NPEPL1: variants seen among roughly 807,000 people sequenced by gnomAD.
NPEPL1 encodes the protein aminopeptidase like 1.
Under a neutral mutation model 52.4 loss-of-function variants are expected in NPEPL1, and 45 were observed. That is an observed-to-expected ratio of 0.86 (90% CI 0.68 to 1.10). The LOEUF is 1.10. Ranked by LOEUF, NPEPL1 falls within the 50% of genes least tolerant of loss-of-function variation. The pLI is 0.00. For missense variants in NPEPL1, 696 were observed against 710.9 expected, an observed-to-expected ratio of 0.98 and a Z score of 0.24; for synonymous variants, 360 against 314.7, an observed-to-expected ratio of 1.14 and a Z score of -1.52.
At chr20:58,714,855 G>A (rs866135653) in intron 11 of NPEPL1, 185 bp downstream of exon 11, 7 of 620,612 alleles carry the variant, frequency 1.1e-5, no homozygotes, top group South Asian at 2.0e-5. Flanking sequence ...TGCTGTGTGC[G>A]ACCCTTCCCC....
At position 58,713,809 on chromosome 20, in the gene NPEPL1, C is replaced by CT; in HGVS notation, c.1126-104dup. ...TTTTTTCTTTTTTTCTCAACCGTCT[C>CT]TTTTCTGGCTCCCTTATTTCTCTGT... On this transcript the variant is annotated intron_variant, in intron 9 of 11. Coordinates refer to ENST00000356091, the MANE Select transcript of NPEPL1 (RefSeq NM_024663.4). This position sits in a 1 kb window ranked among gnomAD's most constrained non-coding sequence, Gnocchi z 4.6. The CT allele has an allele frequency of 7.9e-7, 1 of 1,270,198 alleles. No homozygotes were observed. The highest frequency in any genetic ancestry group is 1.0e-6 in the Non-Finnish European group (1 of 965,358). 78.7% of individuals were successfully genotyped at this position (1,270,198 alleles called of 1,614,324 possible).
intron 6 of NPEPL1, chr20:58,704,127 C>A: frequency 1.0e-6 from 1 of 985,434 alleles, no homozygotes; most frequent in Non-Finnish European, 1.2e-6. Context: ...CAATCCTGAC[C>A]TGAAGGCGCT....
At chr20:58,695,012 GATGTGT>G (rs1568847460) in intron 3 of NPEPL1, among the ~76,000 whole-genome samples, 5 of 950 alleles carry the variant, frequency 5.3e-3, no homozygotes, top group Admixed American at 0.012. Context: ...GTGCATGTGT[GATGTGT>G]GTGTGTGTGT....
intron 3 of NPEPL1, among the ~76,000 whole-genome samples, chr20:58,695,079 G>GGT (rs1555848570): frequency 5.0e-5 from 4 of 79,902 alleles, no homozygotes; most frequent in African/African-American, 1.4e-4. Context: ...TGGTGTGTGT[G>GGT]GTGTACGTGT....
Position 58,696,600 on chromosome 20 carries a change from C to T in NPEPL1, c.507+2008C>T, listed in dbSNP as rs2123093025. On this transcript the variant is annotated intron_variant, in intron 3 of 11. Transcript: ENST00000356091. ...GTGTGTCCTGTTTCTTGTCTTTGCT[C>T]TGCCCAGTGCCGTGCCTTGAGGTGC... is the stretch of plus-strand genomic sequence containing the variant. 3.3e-5 allele frequency among the ~76,000 whole-genome samples: 5 copies of T among 152,362 alleles called. No individual in the cohort carries two copies. The South Asian group carries it at 1.0e-3, about 32-fold the overall frequency.
At chr20:58,702,333 C>G (rs932109670) in intron 6 of NPEPL1, among the ~76,000 whole-genome samples, 1 of 152,206 alleles carries the variant, frequency 6.6e-6, no homozygotes, top group Non-Finnish European at 1.5e-5. Flanking sequence ...TGCGGTAGGC[C>G]CCACCACTTG....
intron 6 of NPEPL1, chr20:58,704,225 C>G: frequency 1.0e-6 from 1 of 985,334 alleles, no homozygotes; most frequent in Non-Finnish European, 1.2e-6. Flanking sequence ...GCAAATGGTG[C>G]AGAAATGGTC....
chr20:58,702,959 T>G (rs1179950868), intron 6 of NPEPL1, among the ~76,000 whole-genome samples: 1 of 152,208 alleles, frequency 6.6e-6, no homozygotes, highest in African/African-American at 2.4e-5. Flanking sequence ...ACACAGTAAC[T>G]CCAAGTGTTC....
At chr20:58,715,064 A>G (rs2084925803) in intron 11 of NPEPL1, 104 bp from the exon 12 acceptor site, 1 of 1,260,102 alleles carries the variant, frequency 7.9e-7, no homozygotes, top group African/African-American at 1.5e-5. Flanking sequence ...TGAGAAGGGG[A>G]CTGTGGGGCA....
At chr20:58,707,603 A>T (rs6026461) in intron 7 of NPEPL1, among the ~76,000 whole-genome samples, 2 of 151,670 alleles carry the variant, frequency 1.3e-5, no homozygotes, top group Non-Finnish European at 1.5e-5. Flanking sequence ...GACTGGTCTC[A>T]CCAAGTCACC....
chr20:58,715,427 G>A lies in NPEPL1; in HGVS notation c.*101G>A, dbSNP rs1028675467. ...TTGCCCTTCATATGGGTTTTGGTTT[G>A]TCTTTCTGGTCGTCAGCGTGGTGGT... On this transcript the variant is annotated 3_prime_UTR_variant, in exon 12 of 12. Transcript: ENST00000356091. 6.3e-6 allele frequency: 8 copies of A among 1,272,378 alleles called. No individual in the cohort carries two copies. The African/African-American group carries it at 7.6e-5, about 12-fold the overall frequency. The allele number at this position is 1,272,378 out of a possible 1,614,324, so 78.8% of individuals were successfully genotyped here. A position where few individuals can be genotyped will look rare whatever the true frequency, so the allele number is the denominator to read the frequency against.
chr20:58,703,720 C>T (rs2084681854), intron 6 of NPEPL1: 1 of 984,506 alleles, frequency 1.0e-6, no homozygotes, highest in African/African-American at 1.8e-5. Flanking sequence ...TAGTCAGCTC[C>T]CGGCCTGGAA....
chr20:58,695,115 TTG>T (rs2084448490), intron 3 of NPEPL1, among the ~76,000 whole-genome samples: 2 of 5,338 alleles, frequency 3.7e-4, no homozygotes. Flanking sequence ...GTGTGTGTGT[TTG>T]CTGGTGTGTG....
Position 58,701,177 on chromosome 20 carries a change from C to T in NPEPL1, c.822+19C>T, listed in dbSNP as rs1032208718. ...AGGGAAGGTGAGGTGCGGGCTGGCT[C>T]TCAGGGTGCCCTGGGGGAGGGGAGG... On this transcript the variant is annotated intron_variant, in intron 6 of 11. Transcript: ENST00000356091. 5 of 1,415,968 alleles carry T rather than the reference C, an allele frequency of 3.5e-6. No homozygotes were observed. The highest frequency in any genetic ancestry group is 3.0e-5 in the African/African-American group (2 of 66,226). The allele number at this position is 1,415,968 out of a possible 1,614,324, so 87.7% of individuals were successfully genotyped here. A position where few individuals can be genotyped will look rare whatever the true frequency, so the allele number is the denominator to read the frequency against.
At chr20:58,700,956 T>G in intron 5 of NPEPL1, 60 bp from the exon 6 acceptor site, 1 of 1,378,204 alleles carries the variant, frequency 7.3e-7, no homozygotes, top group Non-Finnish European at 9.5e-7. Flanking sequence ...CAGGGGCCTC[T>G]GGGAGTTCCC....
Position 58,713,618 on chromosome 20 carries a change from A to G in NPEPL1, c.1125+75A>G, listed in dbSNP as rs943482302. The G allele has an allele frequency of 3.5e-5, 52 of 1,472,262 alleles. No individual in the cohort carries two copies. The African/African-American group carries it at 7.3e-4, about 21-fold the overall frequency. 91.2% of individuals were successfully genotyped at this position (1,472,262 alleles called of 1,614,324 possible). On this transcript the variant is annotated intron_variant, in intron 9 of 11. Transcript: ENST00000356091. This position sits in a 1 kb window ranked among gnomAD's most constrained non-coding sequence, Gnocchi z 4.6. ...CCCCACTCTTGACCTCAAGGTGGGG[A>G]AGGCAGCGCGTGGGGGCTGCCGTCA...
At chr20:58,694,823 T>G (rs908592133) in intron 3 of NPEPL1, among the ~76,000 whole-genome samples, 4 of 152,214 alleles carry the variant, frequency 2.6e-5, no homozygotes, top group African/African-American at 9.7e-5. Context: ...CAGTGTTTGT[T>G]GAGCACGTAA....
intron 6 of NPEPL1, chr20:58,703,369 G>T (rs1230525108): frequency 3.2e-6 from 2 of 626,784 alleles, no homozygotes; most frequent in African/African-American, 2.0e-5. Context: ...GCACACGGTG[G>T]TAATAAGCAA....
upstream of NPEPL1, chr20:58,691,506 G>A: frequency 1.5e-6 from 1 of 669,812 alleles, no homozygotes; most frequent in Non-Finnish European, 2.7e-6. Flanking sequence ...TTTCCAAGGG[G>A]CCAGGGACCA....
Sources: gnomAD v4.1 joint callset for allele counts (sites outside exome capture counted in the v4.1 genomes callset) on GRCh38, gnomAD v4.1.1 for gene constraint, Gnocchi (gnomAD v3.1) non-coding constraint, MANE v1.5 for transcripts, NCBI Gene and HGNC (gene_info 2026-07-23, HGNC 2026-07-21) for gene names.